The following ZNF346 variants were observed in gnomAD, a reference collection of about 807,000 sequenced individuals.
ZNF346 encodes double-stranded RNA-binding zinc finger protein JAZ.
In ZNF346, 23 loss-of-function variants were observed where a neutral mutation model predicts 33.7. That is an observed-to-expected ratio of 0.68 (90% CI 0.49 to 0.97). The LOEUF (loss-of-function observed/expected upper bound fraction) is 0.97, where lower values mean the gene tolerates loss of function less well. ZNF346 is among the 50% of genes least tolerant of loss of function. The probability of loss-of-function intolerance (pLI) is 0.00; values close to 1 mark genes in which losing one functional copy is unlikely to be tolerated. For missense variants in ZNF346, 340 were observed against 371.1 expected, an observed-to-expected ratio of 0.92 and a Z score of 0.69; for synonymous variants, 134 against 142.4, an observed-to-expected ratio of 0.94 and a Z score of 0.42.
At chr5:177,054,101 G>T (rs933380590) in intron 5 of ZNF346, among the ~76,000 whole-genome samples, 7 of 149,240 alleles carry the variant, frequency 4.7e-5, no homozygotes, top group Admixed American at 3.3e-4. Flanking sequence ...TTGAGATAGG[G>T]TCTTCTCTGT....
At chr5:177,034,004 C>G (rs1418388401) in intron 1 of ZNF346, among the ~76,000 whole-genome samples, 1 of 151,952 alleles carries the variant, frequency 6.6e-6, no homozygotes, top group Non-Finnish European at 1.5e-5. Flanking sequence ...ACGTCAGCCA[C>G]TTGAGTAGCA....
chr5:177,048,350 G>A (rs1232269956), intron 4 of ZNF346, among the ~76,000 whole-genome samples: 2 of 152,126 alleles, frequency 1.3e-5, no homozygotes, highest in African/African-American at 2.4e-5. Context: ...ATAGTAGGCC[G>A]GGTGCTCACG....
At chr5:177,061,375 G>A (rs1482795189) in intron 5 of ZNF346, among the ~76,000 whole-genome samples, 1 of 152,070 alleles carries the variant, frequency 6.6e-6, no homozygotes, top group Non-Finnish European at 1.5e-5. Flanking sequence ...AACCCGGGAG[G>A]CACAGGTTGC....
intron 1 of ZNF346, among the ~76,000 whole-genome samples, chr5:177,039,495 G>T (rs1300412851): frequency 6.6e-6 from 1 of 151,354 alleles, no homozygotes; most frequent in African/African-American, 2.4e-5. Flanking sequence ...TGTTATCCAG[G>T]CTGGAGTACA....
At chr5:177,050,966 G>A in intron 5 of ZNF346, 30 bp downstream of exon 5, 1 of 1,587,998 alleles carries the variant, frequency 6.3e-7, no homozygotes, top group Non-Finnish European at 8.6e-7. Context: ...ACCCAGAGCT[G>A]GACCAGGGTT....
intron 1 of ZNF346, among the ~76,000 whole-genome samples, chr5:177,040,130 G>A (rs1478667349): frequency 6.8e-6 from 1 of 147,278 alleles, no homozygotes; most frequent in Non-Finnish European, 1.5e-5. Flanking sequence ...GCAGTGAGCC[G>A]ACATCATGCC....
At chr5:177,056,118 G>A (rs1324953903) in intron 5 of ZNF346, among the ~76,000 whole-genome samples, 2 of 150,056 alleles carry the variant, frequency 1.3e-5, no homozygotes, top group African/African-American at 2.5e-5. Context: ...GGTGGCATGC[G>A]CTTGTAGTCC....
chr5:177,046,830 T>A (rs992193732), intron 4 of ZNF346, among the ~76,000 whole-genome samples: 1 of 152,140 alleles, frequency 6.6e-6, no homozygotes, highest in Non-Finnish European at 1.5e-5. Context: ...TAAATAACTT[T>A]CATGTTTTTA....
rs564024651 is a variant in ZNF346, at chr5:177,023,016, G to C, written c.175+103G>C. On this transcript the variant is annotated intron_variant, in intron 1 of 6. Transcript: ENST00000358149. ...CACACCCCCTGGCCCGCCTCCTTGC[G>C]TGCTGCGCCCCGGGACCCCCAGACT... The C allele has an allele frequency of 7.7e-4, 1,108 of 1,440,380 alleles. 2 individuals are homozygous for C. The highest frequency in any genetic ancestry group is 6.3e-3 in the Middle Eastern group (28 of 4,454). 89.2% of individuals were successfully genotyped at this position (1,440,380 alleles called of 1,614,324 possible).
intron 1 of ZNF346, among the ~76,000 whole-genome samples, chr5:177,038,878 G>A (rs1341640407): frequency 6.5e-3 from 32 of 4,924 alleles, no homozygotes; most frequent in South Asian, 0.059. Flanking sequence ...TCTTCTTCTT[G>A]TGTGTGTGTG....
At chr5:177,038,256 G>GTTTTT (rs748931641) in intron 1 of ZNF346, among the ~76,000 whole-genome samples, 14 of 132,260 alleles carry the variant, frequency 1.1e-4, no homozygotes, top group East Asian at 4.7e-4. Context: ...GCCCAACTAC[G>GTTTTT]TTTTTTTTTT....
Position 177,041,842 on chromosome 5 carries a change from G to A in ZNF346, c.344G>A (p.Gly115Glu). 2 of 1,613,358 alleles carry A rather than the reference G, an allele frequency of 1.2e-6. No individual in the cohort carries two copies. The highest frequency in any genetic ancestry group is 2.2e-5 in the East Asian group (1 of 44,864). The change falls in exon 3 of 7, where the codon GGG (glycine) becomes GAG (glutamate). Residue 115 changes from glycine to glutamate, a missense_variant. Transcript: ENST00000358149. The stretch of plus-strand genomic sequence containing the variant: ...ATCCATGGAATGGAGACATTAAAGG[G>A]GGAAACGAAGAAGCTAGACTCAGAT... ...LAIHGMETLKGETKKLDSDQK... is the reference protein window; with the variant it reads ...LAIHGMETLKEETKKLDSDQK...
At chr5:177,023,027 C>G in intron 1 of ZNF346, 114 bp downstream of exon 1, 3 of 1,434,922 alleles carry the variant, frequency 2.1e-6, no homozygotes, top group Non-Finnish European at 2.8e-6. Context: ...TGCTGCGCCC[C>G]GGGACCCCCA....
At chr5:177,036,043 A>G (rs1055984423) in intron 1 of ZNF346, among the ~76,000 whole-genome samples, 1 of 151,904 alleles carries the variant, frequency 6.6e-6, no homozygotes, top group Admixed American at 6.6e-5. Context: ...AATTTGGGAA[A>G]GGCTTGGCTG....
chr5:177,055,990 C>G, intron 5 of ZNF346, among the ~76,000 whole-genome samples: 1 of 149,660 alleles, frequency 6.7e-6, no homozygotes, highest in Non-Finnish European at 1.5e-5. Flanking sequence ...GCACAAGAAT[C>G]ACTTGAACCC....
At chr5:177,029,466 C>T (rs974858893) in intron 1 of ZNF346, among the ~76,000 whole-genome samples, 2 of 152,150 alleles carry the variant, frequency 1.3e-5, no homozygotes, top group African/African-American at 4.8e-5. Context: ...AATTCCAAAA[C>T]TTTGAGAGGC....
At chr5:177,069,434 CGTA>C (rs1336157082), downstream of ZNF346, among the ~76,000 whole-genome samples, 5 of 142,284 alleles carry the variant, frequency 3.5e-5, no homozygotes, top group Non-Finnish European at 4.5e-5. Context: ...GCCTAGGTGA[CGTA>C]GTAAGACTCT....
rs1338569286 is a variant in ZNF346, at chr5:177,066,508, A to G, written c.*1909A>G. Among the ~76,000 whole-genome samples, 1 of 152,134 alleles carries G rather than the reference A, an allele frequency of 6.6e-6. No homozygotes were observed. Among genetic ancestry groups the G allele is most frequent in the Non-Finnish European group, 1.5e-5 (1 of 68,032 alleles). ...TCTTACACAGTGATAGGTTTGTTCCATGGGACTTATCATAGGCCTGGTGAT... is the reference window on the plus strand; with the variant it reads ...TCTTACACAGTGATAGGTTTGTTCCGTGGGACTTATCATAGGCCTGGTGAT... On this transcript the variant is annotated 3_prime_UTR_variant, in exon 7 of 7. Transcript: ENST00000358149.
At chr5:177,045,730 A>G (rs1418090715) in intron 4 of ZNF346, among the ~76,000 whole-genome samples, 1 of 151,776 alleles carries the variant, frequency 6.6e-6, no homozygotes, top group Admixed American at 6.6e-5. Context: ...GCCTTAAGTG[A>G]TACTCCCATC....
Sources: allele counts gnomAD v4.1 joint callset (sites outside exome capture counted in the v4.1 genomes callset), GRCh38; gene constraint gnomAD v4.1.1; transcripts MANE v1.5; gene names NCBI Gene and HGNC (gene_info 2026-07-23, HGNC 2026-07-21).